The following ZNF470 variants were observed in gnomAD, a reference collection of about 807,000 sequenced individuals.
The protein encoded by ZNF470 is zinc finger protein 470.
In ZNF470, 13 loss-of-function variants were observed where a neutral mutation model predicts 13.9. The observed-to-expected ratio is 0.94, with a 90% CI of 0.61 to 1.49. The LOEUF is 1.49. Among genes scored for constraint, ZNF470 ranks in the 40% most tolerant of loss-of-function variants. The pLI, the probability that ZNF470 is intolerant of heterozygous loss-of-function variation, is 0.00. For missense variants in ZNF470, 929 were observed against 857.3 expected, an observed-to-expected ratio of 1.08 and a Z score of -1.04; for synonymous variants, 293 against 282.9, an observed-to-expected ratio of 1.04 and a Z score of -0.36.
intron 2 of ZNF470, among the ~76,000 whole-genome samples, chr19:56,569,750 C>G (rs1269647279): frequency 6.6e-6 from 1 of 152,066 alleles, no homozygotes; most frequent in Non-Finnish European, 1.5e-5. Context: ...AGATACCTAA[C>G]TCCAGGAGGT....
intron 2 of ZNF470, among the ~76,000 whole-genome samples, chr19:56,569,110 C>T (rs1028443337): frequency 6.6e-6 from 1 of 152,048 alleles, no homozygotes; most frequent in Non-Finnish European, 1.5e-5. Flanking sequence ...TGGTATAGTC[C>T]CTGCCATGTA....
chr19:56,575,801 G>A (rs2044484457), intron 5 of ZNF470, among the ~76,000 whole-genome samples: 1 of 152,032 alleles, frequency 6.6e-6, no homozygotes. Flanking sequence ...GTTTCAACAA[G>A]AGGATTGTGG....
intron 2 of ZNF470, among the ~76,000 whole-genome samples, chr19:56,569,344 T>G (rs543835817): frequency 6.6e-6 from 1 of 152,306 alleles, no homozygotes; most frequent in South Asian, 2.1e-4. Context: ...GCAAGTCACA[T>G]GGACTCTGTT....
intron 3 of ZNF470, 83 bp downstream of exon 3, chr19:56,570,454 G>C: frequency 1.5e-6 from 2 of 1,362,790 alleles, no homozygotes; most frequent in Non-Finnish European, 2.1e-6. Flanking sequence ...TGAAAATATT[G>C]TGCTTAAGAG....
Position 56,574,483 on chromosome 19 carries a change from G to A in ZNF470, c.150G>A (p.Lys50=), listed in dbSNP as rs1284689210. The A allele has an allele frequency of 1.9e-6, 3 of 1,613,810 alleles. No individual in the cohort carries two copies. The African/African-American group carries it at 4.0e-5, about 22-fold the overall frequency. The part of the protein sequence containing the change: ...LNLAQRSLYK[K]VMLENYRNLV... ...TTGCTCAGAGAAGTTTGTACAAGAA[G>A]GTGATGTTAGAAAACTACAGGAACC... The change falls in exon 4 of 6, where the codon AAG becomes AAA. Residue 50 remains lysine, a synonymous_variant. Coordinates refer to ENST00000330619, the MANE Select transcript of ZNF470 (RefSeq NM_001001668.4).
At chr19:56,569,605 C>T (rs569206336) in intron 2 of ZNF470, among the ~76,000 whole-genome samples, 6 of 152,076 alleles carry the variant, frequency 3.9e-5, no homozygotes, top group Non-Finnish European at 7.4e-5. Flanking sequence ...GACAATATAC[C>T]CGATTCTGTT....
chr19:56,577,491 C>A lies in ZNF470; in HGVS notation c.1062C>A (p.Ser354=), dbSNP rs2044498722. ...GGAAGGCTTTTAGTGATTGCTCATC[C>A]CTAGCTCATCATCGAAGGATTCACA... ...ECGKAFSDCS[S]LAHHRRIHTG... Residue 354 remains serine, a synonymous_variant, in exon 6 of 6, where the codon TCC becomes TCA. Transcript: ENST00000330619. The A allele has an allele frequency of 6.2e-7, 1 of 1,612,254 alleles. No homozygotes were observed. Among genetic ancestry groups the A allele is most frequent in the Non-Finnish European group, 8.5e-7 (1 of 1,179,216 alleles).
chr19:56,567,770 C>A lies in ZNF470; in HGVS notation c.-427C>A, dbSNP rs1210321543. On this transcript the variant is annotated 5_prime_UTR_variant, in exon 1 of 6. Transcript: ENST00000330619. ...CCTGCGTGCATGGCCCGGCGGCGTG[C>A]GGAAGGCGGTGTGTGTTGGAATGAG... 2 of 987,080 alleles carry A rather than the reference C, an allele frequency of 2.0e-6. No homozygotes were observed. The highest frequency in any genetic ancestry group is 2.4e-6 in the Non-Finnish European group (2 of 831,320). 61.1% of individuals were successfully genotyped at this position (987,080 alleles called of 1,614,324 possible).
chr19:56,582,588 T>G lies in ZNF470; in HGVS notation c.*4005T>G, dbSNP rs929306117. The G allele has an allele frequency of 4.1e-6, 4 of 985,158 alleles. No homozygotes were observed. Among genetic ancestry groups the G allele is most frequent in the Admixed American group, 6.1e-5 (1 of 16,270 alleles). 61.0% of individuals were successfully genotyped at this position (985,158 alleles called of 1,614,324 possible). A position where few individuals can be genotyped will look rare whatever the true frequency, so the allele number is the denominator to read the frequency against. ...TGGCCTCTACCACCACCAAATTTAC[T>G]TGTTGAAGTCCTAAACCCCAACATG... On this transcript the variant is annotated 3_prime_UTR_variant, in exon 6 of 6. Coordinates refer to ENST00000330619, the MANE Select transcript of ZNF470 (RefSeq NM_001001668.4).
rs2044511414 is a variant in ZNF470 at position 56,578,549 on chromosome 19, TC to T, written c.2121del (p.Ser708ProfsTer45). 9 of 1,569,660 alleles carry T rather than the reference TC, an allele frequency of 5.7e-6. No homozygotes were observed. The highest frequency in any genetic ancestry group is 6.9e-6 in the Non-Finnish European group (8 of 1,157,964). On this transcript the variant is annotated frameshift_variant, in exon 6 of 6. Transcript: ENST00000330619. LOFTEE classifies it high-confidence loss of function. ...CATACCGGAGAGTCATCAGTTATTC[TC>T]TCCTCTGCCCTCCCATACCACCAAG... ...RIHTGESSVI[L>X]SSALPYHQVL
chr19:56,571,325 AT>A (rs1462577770), intron 3 of ZNF470, among the ~76,000 whole-genome samples: 2 of 152,010 alleles, frequency 1.3e-5, no homozygotes, highest in Admixed American at 1.3e-4. Context: ...TTGTAGTTGA[AT>A]TTTTGCCCTC....
chr19:56,573,602 T>C (rs1021406651), intron 3 of ZNF470, among the ~76,000 whole-genome samples: 1 of 152,228 alleles, frequency 6.6e-6, no homozygotes, highest in African/African-American at 2.4e-5. Context: ...TTGCTTGATA[T>C]GTGCTCACAT....
At chr19:56,568,241 C>T (rs935426263) in intron 1 of ZNF470, among the ~76,000 whole-genome samples, 2 of 152,156 alleles carry the variant, frequency 1.3e-5, no homozygotes, top group Non-Finnish European at 2.9e-5. Flanking sequence ...CCAGAGACAC[C>T]TAACCAGATA....
chr19:56,577,197 T>C lies in ZNF470; in HGVS notation c.768T>C (p.Tyr256=), dbSNP rs764845978. The change falls in exon 6 of 6, where the codon TAT becomes TAC. Residue 256 remains tyrosine (Y), a synonymous_variant. Transcript: ENST00000330619. ...GAATTCATACAGGAGAGAAACCCTA[T>C]GAATGTATTGAATGTGGAAAGGCCT... is the stretch of plus-strand genomic sequence containing the variant. ...HQRIHTGEKP[Y]ECIECGKAFS... The C allele has an allele frequency of 6.2e-7, 1 of 1,612,582 alleles. No individual in the cohort carries two copies. The highest frequency in any genetic ancestry group is 1.1e-5 in the South Asian group (1 of 90,922).
rs566216879 is a variant in ZNF470, at chr19:56,580,992, A to G, written c.*2409A>G. ...GTACATGAAAAACAGAATAATATAT[A>G]TGTACCCTCGGTTTGAAATAGACTT... On this transcript the variant is annotated 3_prime_UTR_variant, in exon 6 of 6. Transcript: ENST00000330619. 13 of 984,962 alleles carry G rather than the reference A, an allele frequency of 1.3e-5. No homozygotes were observed. The highest frequency in any genetic ancestry group is 1.1e-4 in the East Asian group (1 of 8,814). 61.0% of individuals were successfully genotyped at this position (984,962 alleles called of 1,614,324 possible).
Position 56,567,952 on chromosome 19 carries a change from G to T in ZNF470, c.-245G>T. Reference sequence around the variant, plus strand: ...GCCTCGGCTGAAGCATTTCCTGTCAGCCCTATCTGGAAGGGGCAGAGCCCA... The same window carrying T: ...GCCTCGGCTGAAGCATTTCCTGTCATCCCTATCTGGAAGGGGCAGAGCCCA... On this transcript the variant is annotated 5_prime_UTR_variant, in exon 1 of 6. Coordinates refer to ENST00000330619, the MANE Select transcript of ZNF470 (RefSeq NM_001001668.4). 3.0e-6 allele frequency: 3 copies of T among 985,758 alleles called. No homozygotes were observed. The highest frequency in any genetic ancestry group is 2.4e-6 in the Non-Finnish European group (2 of 830,220). The allele number at this position is 985,758 out of a possible 1,614,324, so 61.1% of individuals were successfully genotyped here.
chr19:56,573,392 C>T lies in ZNF470; in HGVS notation c.61-1002C>T, dbSNP rs1168837441. Among the ~76,000 whole-genome samples, 4 of 152,330 alleles carry T rather than the reference C, an allele frequency of 2.6e-5. No individual in the cohort carries two copies. In the East Asian group the frequency reaches 7.7e-4, roughly 29 times the overall value. ...CAGGGAAGTTAAATTTGGCCAACCT[C>T]ACCCAGCTAGTCAGTACTACAGACC... On this transcript the variant is annotated intron_variant, in intron 3 of 5. Coordinates refer to ENST00000330619, the MANE Select transcript of ZNF470 (RefSeq NM_001001668.4).
Position 56,567,602 on chromosome 19 carries a change from G to T in ZNF470, c.-595G>T. On this transcript the variant is annotated 5_prime_UTR_variant, in exon 1 of 6. Coordinates refer to ENST00000330619, the MANE Select transcript of ZNF470 (RefSeq NM_001001668.4). Reference sequence around the variant, plus strand: ...CGGTGTCCTGGTTCCTGTGTGGGCGGCGGGCGTGAGCGTGCGCGTGTGGCC... The same window carrying T: ...CGGTGTCCTGGTTCCTGTGTGGGCGTCGGGCGTGAGCGTGCGCGTGTGGCC... The T allele has an allele frequency of 2.0e-6, 2 of 988,650 alleles. No individual in the cohort carries two copies. Among genetic ancestry groups the T allele is most frequent in the South Asian group, 9.3e-5 (2 of 21,492 alleles). 61.2% of individuals were successfully genotyped at this position (988,650 alleles called of 1,614,324 possible). A position where few individuals can be genotyped will look rare whatever the true frequency, so the allele number is the denominator to read the frequency against.
chr19:56,570,103 A>G (rs896960404), intron 2 of ZNF470, 177 bp from the exon 3 acceptor site: 1 of 545,022 alleles, frequency 1.8e-6, no homozygotes. Flanking sequence ...GAAAACCCAG[A>G]GCAGAGGGGA....
Sources: gnomAD v4.1 joint callset for allele counts (sites outside exome capture counted in the v4.1 genomes callset) on GRCh38, gnomAD v4.1.1 for gene constraint, MANE v1.5 for transcripts, NCBI Gene and HGNC (gene_info 2026-07-23, HGNC 2026-07-21) for gene names.